FOXP2: variants seen among roughly 807,000 people sequenced by gnomAD.
FOXP2 encodes forkhead box P2, also known as forkhead box protein P2.
A neutral mutation model predicts 115.8 loss-of-function variants in FOXP2; 12 were observed. The observed-to-expected ratio is 0.10, with a 90% confidence interval of 0.07 to 0.17. The LOEUF (loss-of-function observed/expected upper bound fraction) is 0.17. Among genes scored for constraint, FOXP2 ranks in the 10% least tolerant of loss-of-function variants. FOXP2 has a pLI of 1.00. For synonymous variants in FOXP2, 328 were observed against 297.7 expected (o/e 1.10, Z -1.05); for missense variants, 629 against 843.5 (o/e 0.75, Z 3.15).
chr7:114,685,480 T>A (rs1808312204), intron 16 of FOXP2, among the ~76,000 whole-genome samples: 1 of 152,176 alleles, frequency 6.6e-6, no homozygotes, highest in Admixed American at 6.6e-5. Context: ...TCGTTAACTA[T>A]CAATGACAAA....
In FOXP2 at chr7:114,285,618, A is replaced by T. The variant is rs1333133799; in HGVS notation, c.-101-2401A>T. Among the ~76,000 whole-genome samples, 6 of 152,108 alleles carry T rather than the reference A, an allele frequency of 3.9e-5. No homozygotes were observed. In the South Asian group the frequency reaches 1.2e-3, roughly 31 times the overall value. On this transcript the variant is annotated intron_variant, in intron 1 of 17. Coordinates refer to the FOXP2 transcript ENST00000634411. ...TATGCTTTTGTTAGCAGTAAACAAG[A>T]GTTCTCATCTTTCTATATTCTTATC...
At chr7:114,169,051 G>A (rs1445341425) in intron 1 of FOXP2, among the ~76,000 whole-genome samples, 1 of 152,230 alleles carries the variant, frequency 6.6e-6, no homozygotes, top group Non-Finnish European at 1.5e-5. Context: ...TACCTGCAAA[G>A]GCAGAGTTTG....
intron 3 of FOXP2, among the ~76,000 whole-genome samples, chr7:114,588,652 A>G (rs147313246): frequency 7.4e-4 from 112 of 152,274 alleles, no homozygotes; most frequent in Middle Eastern, 6.8e-3. Flanking sequence ...ATCCAAGCAT[A>G]TTGAATAAAT....
At chr7:114,265,176 A>C (rs1328794863) in intron 1 of FOXP2, among the ~76,000 whole-genome samples, 1 of 152,184 alleles carries the variant, frequency 6.6e-6, no homozygotes, top group Non-Finnish European at 1.5e-5. Context: ...CTTCTGAGAC[A>C]AGGCAAGTTC....
Position 114,523,430 on chromosome 7 carries a change from G to A in FOXP2, c.169-11187G>A, listed in dbSNP as rs550332370. On this transcript the variant is annotated intron_variant, in intron 2 of 16. Transcript: ENST00000350908. Reference sequence around the variant, plus strand: ...CCATCCCTTTCCTCCCCTGGTTCCAGCCTCGGTGACATATGCAGAGGCTAT... The same window carrying A: ...CCATCCCTTTCCTCCCCTGGTTCCAACCTCGGTGACATATGCAGAGGCTAT... 1.1e-4 allele frequency among the ~76,000 whole-genome samples: 16 copies of A among 152,170 alleles called. No individual in the cohort carries two copies. The East Asian group carries it at 2.7e-3, about 26-fold the overall frequency.
chr7:114,219,376 A>G (rs761684971), intron 1 of FOXP2, among the ~76,000 whole-genome samples: 49 of 152,130 alleles, frequency 3.2e-4, no homozygotes, highest in Non-Finnish European at 5.9e-4. Flanking sequence ...AGAGTATGTT[A>G]ATATATGATC....
At chr7:114,494,030 A>G (rs1406029083) in intron 2 of FOXP2, among the ~76,000 whole-genome samples, 1 of 152,100 alleles carries the variant, frequency 6.6e-6, no homozygotes, top group African/African-American at 2.4e-5. Flanking sequence ...TTTTGAATTA[A>G]CATATTTCTG....
chr7:114,501,695 T>C (rs1797572326), intron 2 of FOXP2, among the ~76,000 whole-genome samples: 2 of 152,104 alleles, frequency 1.3e-5, no homozygotes. Context: ...AAAGTAAAAA[T>C]AAAATATACT....
intron 1 of FOXP2, among the ~76,000 whole-genome samples, chr7:114,122,504 G>C (rs1791593418): frequency 1.3e-5 from 2 of 150,818 alleles, no homozygotes; most frequent in South Asian, 2.1e-4. Flanking sequence ...TAAATTTCTG[G>C]TCTTGCTTTT....
At position 114,489,044 on chromosome 7, in the gene FOXP2, C is replaced by G. The variant is rs1015549088; in HGVS notation, c.169-45573C>G. Among the ~76,000 whole-genome samples, 4 of 152,208 alleles carry G rather than the reference C, an allele frequency of 2.6e-5. No individual in the cohort carries two copies. In the East Asian group the frequency reaches 7.7e-4, roughly 29 times the overall value. ...GCAAAAACAGATGTTATATCTATTT[C>G]AGATCATTTTGTCAGTGATATTTTG... On this transcript the variant is annotated intron_variant, in intron 2 of 16. Coordinates refer to ENST00000350908, the MANE Select transcript of FOXP2 (RefSeq NM_014491.4).
intron 1 of FOXP2, among the ~76,000 whole-genome samples, chr7:114,225,586 G>A (rs969155823): frequency 6.6e-6 from 1 of 151,784 alleles, no homozygotes; most frequent in Non-Finnish European, 1.5e-5. Flanking sequence ...CTGGGACTAC[G>A]GGTGCATGCC....
chr7:114,124,730 AC>A (rs994012675), intron 1 of FOXP2, among the ~76,000 whole-genome samples: 2 of 151,030 alleles, frequency 1.3e-5, no homozygotes, highest in African/African-American at 4.9e-5. Flanking sequence ...CCTCTTCCCA[AC>A]CCCCTCTCAC....
At chr7:114,385,609 A>T (rs1047608274) in intron 2 of FOXP2, among the ~76,000 whole-genome samples, 2 of 152,178 alleles carry the variant, frequency 1.3e-5, no homozygotes, top group African/African-American at 4.8e-5. Flanking sequence ...CCTTCCCCAG[A>T]TAGCCTCACA....
chr7:114,179,145 T>C (rs367905300), intron 1 of FOXP2, among the ~76,000 whole-genome samples: 1 of 152,002 alleles, frequency 6.6e-6, no homozygotes, highest in Admixed American at 6.6e-5. Context: ...TGTAAAATCA[T>C]GTTGCTATTG....
chr7:114,279,261 T>C (rs1310509575), intron 1 of FOXP2, among the ~76,000 whole-genome samples: 1 of 152,144 alleles, frequency 6.6e-6, no homozygotes, highest in Non-Finnish European at 1.5e-5. Context: ...TATATTGTGA[T>C]AGAGGCTGAG....
intron 3 of FOXP2, among the ~76,000 whole-genome samples, chr7:114,623,988 T>G (rs1345477670): frequency 6.6e-6 from 1 of 151,948 alleles, no homozygotes; most frequent in African/African-American, 2.4e-5. Context: ...CAATTCATTG[T>G]CAGTTCTTTT....
At chr7:114,427,930 A>G (rs1439546457) in intron 2 of FOXP2, among the ~76,000 whole-genome samples, 1 of 151,730 alleles carries the variant, frequency 6.6e-6, no homozygotes, top group Non-Finnish European at 1.5e-5. Context: ...AAGTATTAGA[A>G]AAACAATTTA....
At chr7:114,566,380 C>T (rs968557800) in intron 3 of FOXP2, among the ~76,000 whole-genome samples, 5 of 152,066 alleles carry the variant, frequency 3.3e-5, no homozygotes, top group Admixed American at 2.6e-4. Context: ...GTGTTTGGGT[C>T]ATGAGAGTGG....
intron 1 of FOXP2, among the ~76,000 whole-genome samples, chr7:114,090,842 T>C (rs2129139011): frequency 6.6e-6 from 1 of 151,760 alleles, no homozygotes; most frequent in South Asian, 2.1e-4. Context: ...CTTAGGTCAT[T>C]TTCATTGCTT....
Sources: allele counts gnomAD v4.1 joint callset (sites outside exome capture counted in the v4.1 genomes callset), GRCh38; gene constraint gnomAD v4.1.1; transcripts MANE v1.5; gene names NCBI Gene and HGNC (gene_info 2026-07-23, HGNC 2026-07-21).